The following SLC6A20 variants were observed in gnomAD, a reference collection of about 807,000 sequenced individuals.
SLC6A20 encodes solute carrier family 6 member 20.
Under a neutral mutation model 64.3 loss-of-function variants are expected in SLC6A20, and 73 were observed. That is an observed-to-expected ratio of 1.14 (90% confidence interval 0.94 to 1.38). SLC6A20 has a LOEUF of 1.38. Ranked by LOEUF, SLC6A20 falls within the 40% of genes most tolerant of loss-of-function variation. The pLI is 0.00. For synonymous variants in SLC6A20, 347 were observed against 329.6 expected (o/e 1.05, Z -0.57); for missense variants, 725 against 772.8 (o/e 0.94, Z 0.73).
chr3:45,775,730 AGCACCGG>A, intron 4 of SLC6A20, 24 bp downstream of exon 4: 1 of 1,592,246 alleles, frequency 6.3e-7, no homozygotes, highest in South Asian at 1.1e-5. Context: ...ACCCACCAGG[AGCACCGG>A]GCTTCTGTGC....
rs988784317 is a variant in SLC6A20 at position 45,757,384 on chromosome 3, A to T, written c.*1594T>A. On this transcript the variant is annotated 3_prime_UTR_variant, in exon 11 of 11. Transcript: ENST00000358525. ...CTCAGGCTGTCTCAGTGGGGGGGAA[A>T]CCTTGGACAATACCCAGGCTTTCTT... 1.3e-5 allele frequency: 2 copies of T among 152,008 alleles called. No homozygotes were observed. The highest frequency in any genetic ancestry group is 6.6e-5 in the Admixed American group (1 of 15,246). The allele number at this position is 152,008 out of a possible 1,614,324, so 9.4% of individuals were successfully genotyped here.
chr3:45,763,522 T>C (rs1559562126), intron 8 of SLC6A20, among the ~76,000 whole-genome samples: 1 of 152,044 alleles, frequency 6.6e-6, no homozygotes, highest in African/African-American at 2.4e-5. Flanking sequence ...AGAGAGGACT[T>C]GCCTCCACCC....
chr3:45,776,661 A>C (rs1046705039), intron 3 of SLC6A20, among the ~76,000 whole-genome samples: 6 of 152,174 alleles, frequency 3.9e-5, no homozygotes. Context: ...TGTACATTGC[A>C]GGAAATGCCA....
rs774879819 is a variant in SLC6A20 at position 45,765,679 on chromosome 3, C to G, written c.1161G>C (p.Val387=). The part of the protein sequence containing the change: ...VYTEAIKNME[V]SQLWSVLYFF... ...AGTAGAGCACCGACCACAGCTGGGA[C>G]ACCTCCATGTTTTTAATGGCCTCTG... The change falls in exon 8 of 11, where the codon GTG becomes GTC. Residue 387 remains valine, a synonymous_variant. Transcript: ENST00000358525. The surrounding 1 kb of genome is among the most constrained non-coding windows in gnomAD (Gnocchi z 4.2). The G allele has an allele frequency of 6.2e-7, 1 of 1,614,246 alleles. No homozygotes were observed. The highest frequency in any genetic ancestry group is 1.7e-5 in the Admixed American group (1 of 60,036).
rs181091291 is a variant in SLC6A20 at position 45,789,487 on chromosome 3, A to C, written c.121+6812T>G. ...ACTTTACGTGACTTAAACTTCCACA[A>C]CTGGAGAATGGTTAAGTAAGTTATG... On this transcript the variant is annotated intron_variant, in intron 1 of 10. Transcript: ENST00000358525. Among the ~76,000 whole-genome samples the C allele has an allele frequency of 5.0e-3, 761 of 152,354 alleles. 51 individuals are homozygous for C. In the South Asian group the frequency reaches 0.14, roughly 29 times the overall value.
chr3:45,774,432 C>T (rs1699930923), intron 4 of SLC6A20, among the ~76,000 whole-genome samples: 1 of 152,100 alleles, frequency 6.6e-6, no homozygotes. Flanking sequence ...GACAGTATGG[C>T]CAGGCTCTAC....
rs371916242 is a variant in SLC6A20, at chr3:45,782,188, C to T, written c.157G>A (p.Val53Met). The change falls in exon 2 of 11, where the codon GTG becomes ATG. Residue 53 changes from valine (V) to methionine (M), a missense_variant. By Grantham distance (21) the Val-to-Met change is conservative. Coordinates refer to ENST00000358525, the MANE Select transcript of SLC6A20 (RefSeq NM_020208.4). ...AGGTACAAGAGCGGCATTCCCTCCA[C>T]GATAAGCATGATGATGTAGGGGACC... The part of the protein sequence containing the change: ...FLVPYIIMLI[V>M]EGMPLLYLEL... 7.6e-5 allele frequency: 123 copies of T among 1,613,902 alleles called. No homozygotes were observed. Among genetic ancestry groups the T allele is most frequent in the Middle Eastern group, 5.0e-4 (3 of 6,058 alleles).
Position 45,759,917 on chromosome 3 carries a change from G to A in SLC6A20, c.1569C>T (p.Phe523=), listed in dbSNP as rs1308423708. 1 of 1,614,190 alleles carries A rather than the reference G, an allele frequency of 6.2e-7. No homozygotes were observed. The highest frequency in any genetic ancestry group is 8.5e-7 in the Non-Finnish European group (1 of 1,180,032). The change falls in exon 10 of 11, where the codon TTC becomes TTT. Residue 523 remains phenylalanine (F), a synonymous_variant. Transcript: ENST00000358525. ...CCGTGAGGATGTAGTCGCTCAGGTAGAAGACAAAGAGGCTGACAATCAGCA... is the reference window on the plus strand; with the variant it reads ...CCGTGAGGATGTAGTCGCTCAGGTAAAAGACAAAGAGGCTGACAATCAGCA... The part of the protein sequence containing the change: ...SPLLIVSLFV[F]YLSDYILTGT...
chr3:45,777,406 C>T (rs1699988700), intron 3 of SLC6A20, among the ~76,000 whole-genome samples: 2 of 152,206 alleles, frequency 1.3e-5, no homozygotes, highest in Admixed American at 1.3e-4. Context: ...AGCTGGCCAC[C>T]AACAGTCCTT....
At chr3:45,795,262 A>G (rs1264458920) in intron 1 of SLC6A20, among the ~76,000 whole-genome samples, 1 of 152,244 alleles carries the variant, frequency 6.6e-6, no homozygotes, top group Non-Finnish European at 1.5e-5. Context: ...TAAAATGTCA[A>G]ATCCATTTTA....
Position 45,765,675 on chromosome 3 carries a change from G to T in SLC6A20, c.1165C>A (p.Gln389Lys), listed in dbSNP as rs1431203324. 1.2e-6 allele frequency: 2 copies of T among 1,614,220 alleles called. No homozygotes were observed. The highest frequency in any genetic ancestry group is 4.5e-5 in the East Asian group (2 of 44,888). ...TEAIKNMEVS[Q>K]LWSVLYFFML... ...AAGAAGTAGAGCACCGACCACAGCT[G>T]GGACACCTCCATGTTTTTAATGGCC... The change falls in exon 8 of 11, where the codon CAG (glutamine) becomes AAG (lysine). Residue 389 changes from glutamine to lysine, a missense_variant. Gln to Lys is a moderately conservative substitution (Grantham distance 53, BLOSUM62 1). Coordinates refer to ENST00000358525, the MANE Select transcript of SLC6A20 (RefSeq NM_020208.4). The surrounding 1 kb of genome is among the most constrained non-coding windows in gnomAD (Gnocchi z 4.2).
chr3:45,772,684 T>C (rs1575429105), intron 4 of SLC6A20, 69 bp from the exon 5 acceptor site: 1 of 1,250,678 alleles, frequency 8.0e-7, no homozygotes, highest in South Asian at 1.3e-5. Flanking sequence ...CCATGCCCCA[T>C]GGAACACCAC....
intron 1 of SLC6A20, among the ~76,000 whole-genome samples, chr3:45,783,220 G>A (rs1575435552): frequency 6.6e-6 from 1 of 152,204 alleles, no homozygotes; most frequent in Non-Finnish European, 1.5e-5. Flanking sequence ...TTTTGTCAGG[G>A]TGAGCCTAAC....
Position 45,794,302 on chromosome 3 carries a change from T to C in SLC6A20, c.121+1997A>G, listed in dbSNP as rs1700309590. On this transcript the variant is annotated intron_variant, in intron 1 of 10. Coordinates refer to ENST00000358525, the MANE Select transcript of SLC6A20 (RefSeq NM_020208.4). ...TGTGGCAGGAAATGAGGTGGAAATA[T>C]TGGACAAGTGGTCAAGTTAGGTGGT... Among the ~76,000 whole-genome samples, 3 of 152,178 alleles carry C rather than the reference T, an allele frequency of 2.0e-5. No individual in the cohort carries two copies. The South Asian group carries it at 6.2e-4, about 32-fold the overall frequency.
chr3:45,772,744 C>T, intron 4 of SLC6A20, 129 bp from the exon 5 acceptor site: 4 of 737,664 alleles, frequency 5.4e-6, no homozygotes, highest in Non-Finnish European at 6.7e-6. Flanking sequence ...CTGGAAAAGG[C>T]ATGGAGATTC....
intron 10 of SLC6A20, among the ~76,000 whole-genome samples, chr3:45,759,598 C>T (rs1699626393): frequency 6.6e-6 from 1 of 152,218 alleles, no homozygotes; most frequent in South Asian, 2.1e-4. Flanking sequence ...GGGAGTTTTT[C>T]TCAGCTTCCG....
intron 3 of SLC6A20, among the ~76,000 whole-genome samples, chr3:45,776,433 C>T (rs1265799818): frequency 2.0e-5 from 3 of 152,088 alleles, no homozygotes; most frequent in African/African-American, 4.8e-5. Context: ...TTGGCCAACT[C>T]AGAACCAACC....
At chr3:45,794,366 T>C (rs549655448) in intron 1 of SLC6A20, among the ~76,000 whole-genome samples, 1 of 152,296 alleles carries the variant, frequency 6.6e-6, no homozygotes, top group Admixed American at 6.5e-5. Context: ...TCGGTCTTTA[T>C]TCTGTAGACA....
intron 9 of SLC6A20, 46 bp from the exon 10 acceptor site, chr3:45,760,068 G>C: frequency 6.3e-7 from 1 of 1,575,868 alleles, no homozygotes; most frequent in Non-Finnish European, 8.6e-7. Context: ...CCAGGCTGCG[G>C]AGGTCAGGGC....
Sources: gnomAD v4.1 joint callset for allele counts (sites outside exome capture counted in the v4.1 genomes callset) on GRCh38, gnomAD v4.1.1 for gene constraint, Gnocchi (gnomAD v3.1) non-coding constraint, MANE v1.5 for transcripts, NCBI Gene and HGNC (gene_info 2026-07-23, HGNC 2026-07-21) for gene names.